The following RANBP10 variants were observed in gnomAD, a reference collection of about 807,000 sequenced individuals.
RANBP10 encodes the protein RAN binding protein 10, also known as ran-binding protein 10.
Under a neutral mutation model 72.8 loss-of-function variants are expected in RANBP10, and 24 were observed. The ratio of observed to expected loss-of-function variants is 0.33; its 90% CI spans 0.24 to 0.46. The LOEUF is 0.46. Among genes scored for constraint, RANBP10 ranks in the 20% least tolerant of loss-of-function variants. RANBP10 has a pLI of 1.00. For missense variants in RANBP10, 679 were observed against 817.5 expected (o/e 0.83, Z 2.07); for synonymous variants, 310 against 322.3 (o/e 0.96, Z 0.41).
chr16:67,783,669 T>C (rs1420965103), intron 2 of RANBP10, among the ~76,000 whole-genome samples: 1 of 152,146 alleles, frequency 6.6e-6, no homozygotes, highest in African/African-American at 2.4e-5. Context: ...CAGAAAAATG[T>C]CTGTGCACAT....
chr16:67,768,510 G>T (rs1463414074), intron 3 of RANBP10, among the ~76,000 whole-genome samples: 1 of 151,884 alleles, frequency 6.6e-6, no homozygotes, highest in Non-Finnish European at 1.5e-5. Context: ...GACAGAGTGA[G>T]ACTCTGTCTC....
intron 2 of RANBP10, among the ~76,000 whole-genome samples, chr16:67,803,460 G>A (rs952576675): frequency 1.3e-5 from 2 of 152,044 alleles, no homozygotes; most frequent in Admixed American, 6.6e-5. Context: ...AGACCAGCCT[G>A]ACCAACATGG....
intron 3 of RANBP10, among the ~76,000 whole-genome samples, 164 bp from the exon 4 acceptor site, chr16:67,744,619 G>A (rs1163285309): frequency 6.6e-6 from 1 of 152,208 alleles, no homozygotes; most frequent in Admixed American, 6.5e-5. Flanking sequence ...CTGGCTGTGA[G>A]TCCAGCAGGT....
At chr16:67,794,930 TA>T (rs1239858200) in intron 2 of RANBP10, among the ~76,000 whole-genome samples, 80 of 54,270 alleles carry the variant, frequency 1.5e-3, no homozygotes, top group East Asian at 7.9e-3. Context: ...TGCCTCAAAT[TA>T]AAAAAAAAAA....
intron 2 of RANBP10, among the ~76,000 whole-genome samples, chr16:67,780,965 A>G (rs904611424): frequency 1.3e-5 from 2 of 152,240 alleles, no homozygotes; most frequent in Admixed American, 6.5e-5. Flanking sequence ...GAGCAAACAC[A>G]GTTTACAATC....
chr16:67,726,571 G>T lies in RANBP10; in HGVS notation c.1733-13C>A. ...AGGTTCTGGGACTCTGTGGAGGAAA[G>T]ACAAGGCCTGGTCACTGGCCTGCCC... On this transcript the variant is annotated splice_polypyrimidine_tract_variant and intron_variant, in intron 13 of 13. Coordinates refer to ENST00000317506, the MANE Select transcript of RANBP10 (RefSeq NM_020850.3). The T allele has an allele frequency of 6.5e-7, 1 of 1,549,040 alleles. No individual in the cohort carries two copies. Among genetic ancestry groups the T allele is most frequent in the Non-Finnish European group, 8.7e-7 (1 of 1,145,660 alleles).
intron 1 of RANBP10, among the ~76,000 whole-genome samples, chr16:67,806,051 A>G (rs2055411823): frequency 6.6e-6 from 1 of 152,192 alleles, no homozygotes; most frequent in South Asian, 2.1e-4. Context: ...GAGGCCCTGG[A>G]GTGGAAGGTC....
intron 13 of RANBP10, 31 bp downstream of exon 13, chr16:67,727,296 T>C: frequency 6.3e-7 from 1 of 1,577,662 alleles, no homozygotes; most frequent in South Asian, 1.1e-5. Flanking sequence ...AGACTCTGTC[T>C]CTAATAATAA....
chr16:67,742,095 G>A (rs2053981125), intron 4 of RANBP10, among the ~76,000 whole-genome samples: 2 of 150,768 alleles, frequency 1.3e-5, no homozygotes, highest in East Asian at 3.9e-4. Flanking sequence ...TTTTAATATA[G>A]GGACGGGGTC....
chr16:67,796,209 C>T (rs996716820), intron 2 of RANBP10, among the ~76,000 whole-genome samples: 2 of 152,186 alleles, frequency 1.3e-5, no homozygotes, highest in African/African-American at 4.8e-5. Flanking sequence ...AGCCACAGCA[C>T]ACAGCCTATT....
intron 2 of RANBP10, among the ~76,000 whole-genome samples, chr16:67,790,651 A>G (rs1056786697): frequency 2.0e-5 from 3 of 151,758 alleles, no homozygotes; most frequent in Admixed American, 2.0e-4. Flanking sequence ...AGCCCACAGC[A>G]AATGACAAGA....
At chr16:67,763,953 G>A (rs887467672) in intron 3 of RANBP10, among the ~76,000 whole-genome samples, 6 of 152,088 alleles carry the variant, frequency 3.9e-5, no homozygotes, top group Non-Finnish European at 5.9e-5. Flanking sequence ...TGCCTCGGCC[G>A]CCCAAAGTGC....
chr16:67,794,931 A>T (rs1207624685), intron 2 of RANBP10, among the ~76,000 whole-genome samples: 8 of 120,878 alleles, frequency 6.6e-5, no homozygotes, highest in African/African-American at 1.3e-4. Context: ...GCCTCAAATT[A>T]AAAAAAAAAA....
chr16:67,798,977 G>A (rs1468678275), intron 2 of RANBP10, among the ~76,000 whole-genome samples: 1 of 152,166 alleles, frequency 6.6e-6, no homozygotes, highest in African/African-American at 2.4e-5. Context: ...CCAGGCTGGA[G>A]AGCAGTGGCG....
rs377233041 is a variant in RANBP10, at chr16:67,729,661, C to A, written c.1147+19G>T. On this transcript the variant is annotated intron_variant, in intron 9 of 13. Coordinates refer to ENST00000317506, the MANE Select transcript of RANBP10 (RefSeq NM_020850.3). This position sits in a 1 kb window ranked among gnomAD's most constrained non-coding sequence, Gnocchi z 7.1. ...CCTCCACACCAGTTCTTCCCAGAGC[C>A]CTCTGGAGAGTGGCTGACCTGTGTT... The A allele has an allele frequency of 1.2e-6, 2 of 1,601,354 alleles. No homozygotes were observed. The highest frequency in any genetic ancestry group is 2.7e-5 in the African/African-American group (2 of 74,704).
chr16:67,799,408 C>T (rs551879004), intron 2 of RANBP10, among the ~76,000 whole-genome samples: 34 of 151,858 alleles, frequency 2.2e-4, no homozygotes, highest in Non-Finnish European at 4.3e-4. Flanking sequence ...CTGCCTCAGC[C>T]TCCCGAGTAG....
intron 5 of RANBP10, 39 bp downstream of exon 5, chr16:67,737,974 C>T (rs370864072): frequency 1.3e-5 from 21 of 1,567,968 alleles, no homozygotes; most frequent in Admixed American, 1.9e-5. Context: ...AGTCAGCCCC[C>T]AGAAACCCAG....
chr16:67,774,458 C>G (rs917164969), intron 2 of RANBP10, among the ~76,000 whole-genome samples: 1 of 152,230 alleles, frequency 6.6e-6, no homozygotes, highest in Non-Finnish European at 1.5e-5. Context: ...GACGCCTCTC[C>G]CTTCTCCAGC....
intron 3 of RANBP10, 140 bp from the exon 4 acceptor site, chr16:67,744,595 C>T: frequency 1.1e-6 from 1 of 875,340 alleles, no homozygotes; most frequent in South Asian, 1.8e-5. Flanking sequence ...AGCAGAGCCA[C>T]CAATAGACAG....
Sources: gnomAD v4.1 joint callset for allele counts (sites outside exome capture counted in the v4.1 genomes callset) on GRCh38, gnomAD v4.1.1 for gene constraint, Gnocchi (gnomAD v3.1) non-coding constraint, MANE v1.5 for transcripts, NCBI Gene and HGNC (gene_info 2026-07-23, HGNC 2026-07-21) for gene names.